TENM3: variants seen among roughly 807,000 people sequenced by gnomAD.
The protein encoded by TENM3 is teneurin-3.
Under a neutral mutation model 255.1 loss-of-function variants are expected in TENM3, and 63 were observed. The observed-to-expected ratio is 0.25, with a 90% CI of 0.20 to 0.30. TENM3 has a LOEUF of 0.30. TENM3 is among the 10% of genes least tolerant of loss of function. The pLI is 1.00. For missense variants in TENM3, 2,929 were observed against 3,461.1 expected (o/e 0.85, Z 3.86); for synonymous variants, 1,306 against 1,322.3 (o/e 0.99, Z 0.27).
intron 1 of TENM3, among the ~76,000 whole-genome samples, chr4:182,210,707 G>A (rs905557460): frequency 2.0e-5 from 3 of 149,102 alleles, no homozygotes; most frequent in Non-Finnish European, 4.4e-5. Flanking sequence ...GGCTTCCGAT[G>A]CCCTGACTGG....
chr4:181,742,827 TC>T, the TENM3 span, among the ~76,000 whole-genome samples: 1 of 89,626 alleles, frequency 1.1e-5, no homozygotes, highest in South Asian at 4.7e-4. Context: ...CCCTCCTCCC[TC>T]CCCCCTCCCC....
chr4:182,687,509 AAT>A (rs1756673035), intron 11 of TENM3, among the ~76,000 whole-genome samples: 1 of 152,146 alleles, frequency 6.6e-6, no homozygotes, highest in Non-Finnish European at 1.5e-5. Context: ...AAGGAGAGTC[AAT>A]TATATGTATT....
the TENM3 span, among the ~76,000 whole-genome samples, chr4:182,106,107 CT>C: frequency 6.6e-6 from 1 of 152,202 alleles, no homozygotes; most frequent in Non-Finnish European, 1.5e-5. Flanking sequence ...CTCCCCTCCC[CT>C]GACCCCCAGC....
the TENM3 span, among the ~76,000 whole-genome samples, chr4:181,459,932 G>A: frequency 6.6e-6 from 1 of 151,974 alleles, no homozygotes; most frequent in African/African-American, 2.4e-5. Context: ...TGAGTCTCCT[G>A]ATCATGGTAT....
chr4:181,942,337 G>A, the TENM3 span, among the ~76,000 whole-genome samples: 3 of 148,640 alleles, frequency 2.0e-5, no homozygotes, highest in Admixed American at 6.7e-5. Context: ...AGTTAGAAGC[G>A]GTTAAATAAG....
intron 1 of TENM3, among the ~76,000 whole-genome samples, chr4:182,294,811 A>G (rs1412129094): frequency 6.6e-6 from 1 of 152,200 alleles, no homozygotes; most frequent in East Asian, 1.9e-4. Flanking sequence ...TTTTTCTGGG[A>G]TATGACTCAG....
At chr4:182,273,005 G>A (rs1172808782) in intron 1 of TENM3, among the ~76,000 whole-genome samples, 1 of 152,206 alleles carries the variant, frequency 6.6e-6, no homozygotes, top group Admixed American at 6.5e-5. Flanking sequence ...ACAGTTGATT[G>A]TGAGTTAGTC....
At chr4:181,984,497 T>C in the TENM3 span, among the ~76,000 whole-genome samples, 1 of 152,078 alleles carries the variant, frequency 6.6e-6, no homozygotes, top group Non-Finnish European at 1.5e-5. Flanking sequence ...TGTGAGTTGT[T>C]CTAGCCTGCT....
intron 11 of TENM3, among the ~76,000 whole-genome samples, chr4:182,684,164 C>T (rs1756386969): frequency 6.6e-6 from 1 of 150,682 alleles, no homozygotes; most frequent in South Asian, 2.1e-4. Flanking sequence ...GAAAGAGAAG[C>T]AGGGAAGAGA....
At chr4:182,114,165 A>G in the TENM3 span, among the ~76,000 whole-genome samples, 6 of 152,224 alleles carry the variant, frequency 3.9e-5, no homozygotes, top group African/African-American at 9.6e-5. Flanking sequence ...TCAAAGCCAT[A>G]TAATCAGTTT....
upstream of TENM3, chr4:182,143,713 T>G (rs568360858): frequency 2.6e-5 from 4 of 156,098 alleles, no homozygotes; most frequent in East Asian, 7.8e-4. The surrounding 1 kb of genome is among the most constrained non-coding windows in gnomAD (Gnocchi z 4.3). Context: ...CCCCATTTTG[T>G]TGGTGCGTGT....
chr4:181,941,011 C>A, the TENM3 span, among the ~76,000 whole-genome samples: 1 of 152,154 alleles, frequency 6.6e-6, no homozygotes, highest in Non-Finnish European at 1.5e-5. Flanking sequence ...ATTATTTATT[C>A]ATGGTTATCA....
intron 3 of TENM3, among the ~76,000 whole-genome samples, chr4:182,556,061 G>A (rs2151951723): frequency 6.6e-6 from 1 of 152,112 alleles, no homozygotes; most frequent in Non-Finnish European, 1.5e-5. Context: ...ATTGTCCCTA[G>A]CCCATTAGGA....
the TENM3 span, among the ~76,000 whole-genome samples, chr4:181,792,058 A>G: frequency 6.6e-6 from 1 of 152,202 alleles, no homozygotes; most frequent in Non-Finnish European, 1.5e-5. Flanking sequence ...TTCCGACTGC[A>G]TTTTGGCTTA....
the TENM3 span, among the ~76,000 whole-genome samples, chr4:181,455,453 T>A: frequency 7.9e-5 from 12 of 152,264 alleles, no homozygotes; most frequent in East Asian, 2.3e-3. Flanking sequence ...GACAAAGGTT[T>A]ATAAAACATG....
chr4:181,665,958 G>A, the TENM3 span, among the ~76,000 whole-genome samples: 2 of 151,876 alleles, frequency 1.3e-5, no homozygotes, highest in South Asian at 2.1e-4. Context: ...CTATATATTG[G>A]TCTTCCACAG....
chr4:181,737,100 T>C, the TENM3 span, among the ~76,000 whole-genome samples: 4 of 152,122 alleles, frequency 2.6e-5, no homozygotes, highest in Admixed American at 6.5e-5. Context: ...GTTCTTCAAA[T>C]ACAGACCAAG....
the TENM3 span, among the ~76,000 whole-genome samples, chr4:181,650,711 T>C: frequency 6.6e-6 from 1 of 152,320 alleles, no homozygotes; most frequent in Middle Eastern, 3.4e-3. Context: ...AATCTAGAAC[T>C]TTCTAGAAGA....
intron 1 of TENM3, among the ~76,000 whole-genome samples, chr4:182,220,475 G>T (rs1448405330): frequency 6.7e-6 from 1 of 150,120 alleles, no homozygotes; most frequent in African/African-American, 2.4e-5. Flanking sequence ...TCTGACGGCC[G>T]ATCTCTTCCT....
Sources: allele counts gnomAD v4.1 joint callset (sites outside exome capture counted in the v4.1 genomes callset), GRCh38; gene constraint gnomAD v4.1.1; non-coding constraint Gnocchi (gnomAD v3.1); transcripts MANE v1.5; gene names NCBI Gene and HGNC (gene_info 2026-07-23, HGNC 2026-07-21).